Variants in ADGRL3 observed in about 807,000 individuals in gnomAD.
The protein encoded by ADGRL3 is calcium-independent alpha-latrotoxin receptor 3.
ADGRL3 carries 62 observed loss-of-function variants against 153.5 expected under a neutral mutation model. The ratio of observed to expected loss-of-function variants is 0.40; its 90% CI spans 0.33 to 0.50. ADGRL3 has a LOEUF of 0.50. ADGRL3 is among the 20% of genes least tolerant of loss of function. The probability of loss-of-function intolerance (pLI) is 0.47; values close to 1 mark genes in which losing one functional copy is unlikely to be tolerated. For synonymous variants in ADGRL3, 710 were observed against 672.5 expected, an observed-to-expected ratio of 1.06 and a Z score of -0.86; for missense variants, 1,641 against 1,859.4, an observed-to-expected ratio of 0.88 and a Z score of 2.16.
intron 5 of ADGRL3, among the ~76,000 whole-genome samples, chr4:61,609,360 A>G (rs2099044507): frequency 6.6e-6 from 1 of 152,150 alleles, no homozygotes; most frequent in African/African-American, 2.4e-5. Flanking sequence ...AATATGCTGT[A>G]TGTACTATTT....
chr4:61,571,812 C>T (rs942960913), intron 4 of ADGRL3, among the ~76,000 whole-genome samples: 1 of 152,144 alleles, frequency 6.6e-6, no homozygotes, highest in Non-Finnish European at 1.5e-5. Context: ...TTATTATCCT[C>T]ATTTACTATT....
Position 61,892,938 on chromosome 4 carries a change from C to G in ADGRL3, c.1763C>G (p.Pro588Arg). Residue 588 changes from proline to arginine, a missense_variant, in exon 10 of 27, where the codon CCA becomes CGA. By Grantham distance (103) the Pro-to-Arg change is moderately radical. Transcript: ENST00000683033. ...KTRQGQIAKQ[P>R]CPAGTIGVST... ...CGTCAAGGACAGATAGCAAAGCAGC[C>G]ATGCCCTGCAGGAACTATAGGTAAG... The G allele has an allele frequency of 6.5e-7, 1 of 1,533,626 alleles. No homozygotes were observed. Among genetic ancestry groups the G allele is most frequent in the Non-Finnish European group, 8.7e-7 (1 of 1,144,920 alleles).
rs533012493 is a variant in ADGRL3, at chr4:61,216,715, G to C, written c.-240+14950G>C. On this transcript the variant is annotated intron_variant, in intron 1 of 26. Coordinates refer to ENST00000683033, the MANE Select transcript of ADGRL3 (RefSeq NM_001387552.1). ...ATGAAAATCAAAGAGGAAAAGTAGAGGGCAAAGGAGTCGTAAAAGCATGAT... is the reference window on the plus strand; with the variant it reads ...ATGAAAATCAAAGAGGAAAAGTAGACGGCAAAGGAGTCGTAAAAGCATGAT... Among the ~76,000 whole-genome samples, 4 of 152,230 alleles carry C rather than the reference G, an allele frequency of 2.6e-5. No individual in the cohort carries two copies. The East Asian group carries it at 7.7e-4, about 29-fold the overall frequency.
At chr4:61,320,323 A>G (rs1445371331) in intron 1 of ADGRL3, among the ~76,000 whole-genome samples, 1 of 152,230 alleles carries the variant, frequency 6.6e-6, no homozygotes, top group African/African-American at 2.4e-5. Context: ...TTAAATTACT[A>G]ATTGTATCAG....
intron 17 of ADGRL3, among the ~76,000 whole-genome samples, chr4:61,961,076 G>C (rs2098986068): frequency 6.6e-6 from 1 of 152,024 alleles, no homozygotes; most frequent in Non-Finnish European, 1.5e-5. Context: ...TCTAAATTTT[G>C]AGATCAGTTA....
intron 2 of ADGRL3, among the ~76,000 whole-genome samples, chr4:61,464,984 C>T (rs1461723002): frequency 1.3e-5 from 2 of 152,166 alleles, no homozygotes; most frequent in Non-Finnish European, 2.9e-5. Flanking sequence ...ACTCTGGGGT[C>T]TCCTTCAGAA....
chr4:61,583,658 T>G (rs768596800), intron 4 of ADGRL3: 2 of 518,216 alleles, frequency 3.9e-6, no homozygotes, highest in Non-Finnish European at 7.7e-6. Flanking sequence ...CAGAGATGTT[T>G]AATTAGTTCA....
chr4:61,897,100 A>C (rs1227413110), intron 11 of ADGRL3, among the ~76,000 whole-genome samples: 1 of 152,208 alleles, frequency 6.6e-6, no homozygotes, highest in African/African-American at 2.4e-5. Context: ...CAGCCCAGCT[A>C]ATCTTAGGAC....
chr4:62,005,503 A>G (rs542477090), intron 21 of ADGRL3, among the ~76,000 whole-genome samples: 13 of 152,282 alleles, frequency 8.5e-5, no homozygotes, highest in African/African-American at 2.9e-4. Flanking sequence ...AGGAGAGTCA[A>G]GTGCTAAGGA....
At chr4:61,751,422 T>A (rs1486835231) in intron 8 of ADGRL3, among the ~76,000 whole-genome samples, 1 of 152,156 alleles carries the variant, frequency 6.6e-6, no homozygotes, top group East Asian at 1.9e-4. Flanking sequence ...AGAAGGGAAC[T>A]AAGGCTCAGA....
chr4:61,608,986 C>A (rs146219799), intron 5 of ADGRL3, among the ~76,000 whole-genome samples: 2 of 152,174 alleles, frequency 1.3e-5, no homozygotes, highest in East Asian at 3.9e-4. Context: ...TAGTTATTTT[C>A]ACTTTAAAAA....
chr4:62,029,155 G>A (rs970732931), intron 22 of ADGRL3, among the ~76,000 whole-genome samples: 2 of 151,694 alleles, frequency 1.3e-5, no homozygotes, highest in Admixed American at 6.6e-5. Context: ...GTACAGACTT[G>A]TTTCTCTTTT....
chr4:61,311,350 A>G (rs994099201), intron 1 of ADGRL3, among the ~76,000 whole-genome samples: 2 of 152,194 alleles, frequency 1.3e-5, no homozygotes, highest in Admixed American at 6.5e-5. Context: ...GAGACCCAAA[A>G]TACTGGGAGC....
At chr4:61,260,998 T>C (rs2092464878) in intron 1 of ADGRL3, among the ~76,000 whole-genome samples, 1 of 152,026 alleles carries the variant, frequency 6.6e-6, no homozygotes, top group East Asian at 1.9e-4. Context: ...AATACTGGGA[T>C]TACAGGCATG....
At chr4:61,685,069 T>A (rs2095417414) in intron 6 of ADGRL3, among the ~76,000 whole-genome samples, 1 of 151,752 alleles carries the variant, frequency 6.6e-6, no homozygotes, top group Non-Finnish European at 1.5e-5. Flanking sequence ...GCGTGCACCA[T>A]CACACCTGGC....
chr4:61,515,291 A>G (rs979673863), intron 3 of ADGRL3, among the ~76,000 whole-genome samples: 3 of 152,174 alleles, frequency 2.0e-5, no homozygotes, highest in Admixed American at 2.0e-4. Flanking sequence ...ACACAACTGA[A>G]TGTTGTATGA....
rs112642250 is a variant in ADGRL3 at position 61,531,154 on chromosome 4, C to T, written c.259+13636C>T. On this transcript the variant is annotated intron_variant, in intron 4 of 26. Coordinates refer to ENST00000683033, the MANE Select transcript of ADGRL3 (RefSeq NM_001387552.1). ...ATTATATTGGCATATCACTTCAAGC[C>T]GATTGAGCAAATAAAGGCAAAGAAA... 8.3e-4 allele frequency among the ~76,000 whole-genome samples: 126 copies of T among 152,126 alleles called. 1 individual carries two copies. The highest frequency in any genetic ancestry group is 2.8e-3 in the African/African-American group (118 of 41,508).
At chr4:62,051,994 A>T (rs1232155069) in intron 25 of ADGRL3, among the ~76,000 whole-genome samples, 1 of 151,580 alleles carries the variant, frequency 6.6e-6, no homozygotes, top group Non-Finnish European at 1.5e-5. Flanking sequence ...GCCTCCTTGT[A>T]TTTGTTGATA....
intron 25 of ADGRL3, among the ~76,000 whole-genome samples, chr4:62,067,447 T>C (rs1223376476): frequency 2.0e-5 from 3 of 152,042 alleles, no homozygotes; most frequent in Non-Finnish European, 4.4e-5. Context: ...AAACCTAATA[T>C]TGTTGGTTGC....
Sources: allele counts gnomAD v4.1 joint callset (sites outside exome capture counted in the v4.1 genomes callset), GRCh38; gene constraint gnomAD v4.1.1; transcripts MANE v1.5; gene names NCBI Gene and HGNC (gene_info 2026-07-23, HGNC 2026-07-21).